NBPF14: variants seen among roughly 807,000 people sequenced by gnomAD.
The protein encoded by NBPF14 is NBPF family member NBPF14.
NBPF14 carries 104 observed loss-of-function variants against 91.2 expected under a neutral mutation model. The ratio of observed to expected loss-of-function variants is 1.14; its 90% CI spans 0.97 to 1.34. NBPF14 has a LOEUF of 1.34. NBPF14 is among the 40% of genes most tolerant of loss of function. NBPF14 has a pLI of 0.00. For synonymous variants in NBPF14, 294 were observed against 303.8 expected, an observed-to-expected ratio of 0.97 and a Z score of 0.34; for missense variants, 908 against 783.0, an observed-to-expected ratio of 1.16 and a Z score of -1.91.
intron 8 of NBPF14, among the ~76,000 whole-genome samples, chr1:148,586,867 C>T (rs1331563664): frequency 1.5e-4 from 21 of 138,632 alleles, no homozygotes; most frequent in East Asian, 6.0e-4. Flanking sequence ...GCAGATGGGG[C>T]GAATTGAAAA....
chr1:148,561,730 G>T (rs1657758461), intron 34 of NBPF14, among the ~76,000 whole-genome samples, 151 bp from the exon 35 acceptor site: 1 of 113,804 alleles, frequency 8.8e-6, no homozygotes, highest in South Asian at 3.2e-4. Context: ...TTCATGTTGG[G>T]ACAGAACAGG....
intron 3 of NBPF14, among the ~76,000 whole-genome samples, chr1:148,593,112 C>T (rs1325962886): frequency 4.7e-5 from 7 of 147,604 alleles, no homozygotes; most frequent in Admixed American, 2.0e-4. Context: ...GTGCATCTTG[C>T]GGCCACTACA....
intron 2 of NBPF14, among the ~76,000 whole-genome samples, chr1:148,594,095 T>G (rs1662929498): frequency 6.8e-6 from 1 of 147,170 alleles, no homozygotes; most frequent in African/African-American, 2.5e-5. Context: ...CCTAGGACTA[T>G]GGGACTGATG....
rs1262809593 is a variant in NBPF14 at position 148,587,390 on chromosome 1, G to A, written c.1002C>T (p.Cys334=). The A allele has an allele frequency of 1.9e-4, 301 of 1,579,258 alleles. 11 individuals are homozygous for A. In the East Asian group the frequency reaches 4.5e-3, roughly 24 times the overall value. ...TCAGCATAAATTTTATGAGGTCTTTGCACTCTTCATATTCTGAGAAAAGAC... is the reference window on the plus strand; with the variant it reads ...TCAGCATAAATTTTATGAGGTCTTTACACTCTTCATATTCTGAGAAAAGAC... Residue 334 remains cysteine, a synonymous_variant, in exon 8 of 71, where the codon TGC becomes TGT. Coordinates refer to ENST00000619423, the Ensembl canonical transcript of NBPF14.
At chr1:148,533,452 GAGAGACAGAGAC>G (rs1358178512) in intron 70 of NBPF14, among the ~76,000 whole-genome samples, 1 of 151,488 alleles carries the variant, frequency 6.6e-6, no homozygotes, top group Non-Finnish European at 1.5e-5. Flanking sequence ...GACAGAGAGA[GAGAGACAGAGAC>G]AGAGACAGAG....
rs1473149598 is a variant in NBPF14, at chr1:148,572,450, G to A, written c.2751C>T (p.Asp917=). 28 of 513,842 alleles carry A rather than the reference G, an allele frequency of 5.4e-5. 2 individuals are homozygous for A. Among genetic ancestry groups the A allele is most frequent in the Middle Eastern group, 4.6e-4 (1 of 2,174 alleles). 31.8% of individuals were successfully genotyped at this position (513,842 alleles called of 1,614,324 possible). ...TCACAGTAAGGTACTCACTGTCCACGTCAAGAGCCAAGCCAAGGTACTGTT... is the reference window on the plus strand; with the variant it reads ...TCACAGTAAGGTACTCACTGTCCACATCAAGAGCCAAGCCAAGGTACTGTT... Residue 917 remains aspartate, a synonymous_variant, in exon 21 of 71, where the codon GAC becomes GAT. Coordinates refer to ENST00000619423, the Ensembl canonical transcript of NBPF14.
Position 148,542,165 on chromosome 1 carries a change from T to C in NBPF14, c.7376-326A>G, listed in dbSNP as rs1655652352. 1.9e-5 allele frequency among the ~76,000 whole-genome samples: 2 copies of C among 104,710 alleles called. 1 individual carries two copies. The highest frequency in any genetic ancestry group is 3.4e-5 in the Non-Finnish European group (2 of 59,110). The allele number at this position is 104,710 out of a possible 152,430, so 68.7% of individuals were successfully genotyped here. ...ATGATTTCTAGGAGAAAAACTGCAA[T>C]ATTTAGCCCTGTCTCAACAAATACG... is the stretch of plus-strand genomic sequence containing the variant. On this transcript the variant is annotated intron_variant, in intron 59 of 70. Transcript: ENST00000619423.
At chr1:148,535,083 T>A (rs1425917839) in intron 68 of NBPF14, among the ~76,000 whole-genome samples, 1 of 145,438 alleles carries the variant, frequency 6.9e-6, no homozygotes, top group African/African-American at 2.6e-5. Flanking sequence ...GAAAGTGAGC[T>A]CAGCGAATTG....
In NBPF14 at chr1:148,587,490, C is replaced by A. The variant is rs1490347371; in HGVS notation, c.989-87G>T. ...CTACAGGACAGGAGCCAGGTCCATC[C>A]CAAGGACAAAACTCTCCCCAGTACC... On this transcript the variant is annotated intron_variant, in intron 7 of 70. Coordinates refer to ENST00000619423, the Ensembl canonical transcript of NBPF14. 44 of 1,314,408 alleles carry A rather than the reference C, an allele frequency of 3.3e-5. 4 individuals carry two copies. Among genetic ancestry groups the A allele is most frequent in the Non-Finnish European group, 4.6e-5 (43 of 926,698 alleles). 81.4% of individuals were successfully genotyped at this position (1,314,408 alleles called of 1,614,324 possible). A position where few individuals can be genotyped will look rare whatever the true frequency, so the allele number is the denominator to read the frequency against.
chr1:148,561,800 C>G (rs1232540993), intron 34 of NBPF14, among the ~76,000 whole-genome samples: 3 of 96,798 alleles, frequency 3.1e-5, no homozygotes, highest in Non-Finnish European at 6.8e-5. Flanking sequence ...CACACACACA[C>G]AAACACACAC....
intron 6 of NBPF14, among the ~76,000 whole-genome samples, chr1:148,590,194 C>A (rs1553337717): frequency 7.0e-6 from 1 of 142,292 alleles, no homozygotes; most frequent in Non-Finnish European, 1.6e-5. Context: ...GGACTACAGG[C>A]GCCCACCACC....
At chr1:148,560,157 G>C (rs1346706474) in intron 36 of NBPF14, among the ~76,000 whole-genome samples, 192 bp from the exon 37 acceptor site, 11 of 150,070 alleles carry the variant, frequency 7.3e-5, no homozygotes, top group African/African-American at 2.0e-4. Flanking sequence ...GAGAAAGACA[G>C]AGAGAGAGAG....
In NBPF14 at chr1:148,559,785, G is replaced by A. The variant is rs1343389685; in HGVS notation, c.4729+8C>T. ...GGATCCTTATCACCTTCATAGAAAG[G>A]TACTCACCATCCATGTCAACAGCCA... On this transcript the variant is annotated splice_region_variant and intron_variant, in intron 37 of 70. Coordinates refer to ENST00000619423, the Ensembl canonical transcript of NBPF14. The A allele has an allele frequency of 8.9e-6, 13 of 1,466,026 alleles. 2 individuals carry two copies. The South Asian group carries it at 1.1e-4, about 13-fold the overall frequency. 90.8% of individuals were successfully genotyped at this position (1,466,026 alleles called of 1,614,324 possible). A position where few individuals can be genotyped will look rare whatever the true frequency, so the allele number is the denominator to read the frequency against.
chr1:148,576,958 G>A (rs1166394920), intron 15 of NBPF14, among the ~76,000 whole-genome samples: 4 of 143,528 alleles, frequency 2.8e-5, no homozygotes, highest in Non-Finnish European at 4.7e-5. Flanking sequence ...GTAGGATTAG[G>A]GCGCCACAGG....
chr1:148,566,558 C>T lies in NBPF14; in HGVS notation c.3543-243G>A, dbSNP rs1410890610. Among the ~76,000 whole-genome samples, 32 of 141,794 alleles carry T rather than the reference C, an allele frequency of 2.3e-4. 1 individual carries two copies. Among genetic ancestry groups the T allele is most frequent in the African/African-American group, 7.1e-4 (28 of 39,524 alleles). The allele number at this position is 141,794 out of a possible 152,430, so 93.0% of individuals were successfully genotyped here. ...ACACACACAAACACACACACACACA[C>T]AGAGAACGAGCTCAGTGAATTGTCC... On this transcript the variant is annotated intron_variant, in intron 28 of 70. Transcript: ENST00000619423.
chr1:148,587,281 C>A lies in NBPF14; in HGVS notation c.1091+20G>T, dbSNP rs1329649605. On this transcript the variant is annotated intron_variant, in intron 8 of 70. Transcript: ENST00000619423. ...ATTTACACACCTGCCCCCCTGCCTG[C>A]CCCCATGGGGTCCCCTCACCTGAGC... The A allele has an allele frequency of 9.0e-6, 14 of 1,562,028 alleles. 1 individual carries two copies. The South Asian group carries it at 1.6e-4, about 18-fold the overall frequency.
At chr1:148,542,155 A>G (rs1269814255) in intron 59 of NBPF14, among the ~76,000 whole-genome samples, 2 of 105,116 alleles carry the variant, frequency 1.9e-5, no homozygotes, top group African/African-American at 1.4e-4. Context: ...TTCTAGGAGA[A>G]AAACTGCAAT....
At chr1:148,590,391 A>G (rs1235165917) in intron 6 of NBPF14, among the ~76,000 whole-genome samples, 4 of 138,394 alleles carry the variant, frequency 2.9e-5, no homozygotes, top group Non-Finnish European at 4.8e-5. Flanking sequence ...GCCAATGAAA[A>G]GGAGAGAGAG....
chr1:148,577,803 G>T (rs1226305675), intron 14 of NBPF14, among the ~76,000 whole-genome samples, 180 bp downstream of exon 14: 1 of 138,556 alleles, frequency 7.2e-6, no homozygotes, highest in African/African-American at 2.9e-5. Context: ...AATGATAAGG[G>T]TAGGAAGAAA....
Sources: allele counts gnomAD v4.1 joint callset (sites outside exome capture counted in the v4.1 genomes callset), GRCh38; gene constraint gnomAD v4.1.1; transcripts MANE v1.5; gene names NCBI Gene and HGNC (gene_info 2026-07-23, HGNC 2026-07-21).